EDNRB: variants seen among roughly 807,000 people sequenced by gnomAD.
EDNRB encodes Hirschsprung disease 2.
EDNRB carries 18 observed loss-of-function variants against 46.4 expected under a neutral mutation model. The observed-to-expected ratio is 0.39, with a 90% CI of 0.27 to 0.57. The LOEUF (loss-of-function observed/expected upper bound fraction) is 0.57. EDNRB is among the 20% of genes least tolerant of loss of function. EDNRB has a pLI of 0.61. For missense variants in EDNRB, 434 were observed against 537.5 expected (o/e 0.81, Z 1.90); for synonymous variants, 213 against 204.9 (o/e 1.04, Z -0.34).
At chr13:77,930,517 T>A (rs1272656361) in intron 1 of EDNRB, among the ~76,000 whole-genome samples, 1 of 152,200 alleles carries the variant, frequency 6.6e-6, no homozygotes, top group African/African-American at 2.4e-5. Flanking sequence ...AAAATTAGCA[T>A]GTCTGATTTC....
In EDNRB at chr13:77,899,895, C is replaced by T; in HGVS notation, c.1158G>A (p.Leu386=). 6.2e-7 allele frequency: 1 copy of T among 1,611,938 alleles called. No homozygotes were observed. Among genetic ancestry groups the T allele is most frequent in the Non-Finnish European group, 8.5e-7 (1 of 1,178,742 alleles). Residue 386 remains leucine (L), a synonymous_variant, in exon 6 of 7, where the codon CTG becomes CTA. Coordinates refer to ENST00000646607, the MANE Select transcript of EDNRB (RefSeq NM_001122659.3). The stretch of plus-strand genomic sequence containing the variant: ...TTTTGAATCTTTTGCTCACCAAATA[C>T]AGAGCAATTGGGTTAATGCAGGAAT... ...SLNSCINPIA[L]YLVSKRFKNC...
intron 1 of EDNRB, among the ~76,000 whole-genome samples, chr13:77,925,743 C>A (rs1314745798): frequency 1.3e-5 from 2 of 152,232 alleles, no homozygotes; most frequent in Admixed American, 1.3e-4. Context: ...AGAGTCCCTA[C>A]TGGGGCACCG....
chr13:77,940,700 G>GGTGT (rs6145134), intron 1 of EDNRB, among the ~76,000 whole-genome samples: 228 of 149,188 alleles, frequency 1.5e-3, no homozygotes, highest in African/African-American at 4.8e-3. Flanking sequence ...AGATGAATTG[G>GGTGT]GTGTGTGTGT....
At chr13:77,950,250 T>C (rs1180551830) in intron 1 of EDNRB, among the ~76,000 whole-genome samples, 1 of 152,194 alleles carries the variant, frequency 6.6e-6, no homozygotes, top group African/African-American at 2.4e-5. Flanking sequence ...AAAGGGAACA[T>C]GTACTCTCAC....
chr13:77,902,496 C>T (rs1234179650), intron 3 of EDNRB, among the ~76,000 whole-genome samples: 2 of 151,856 alleles, frequency 1.3e-5, no homozygotes, highest in Admixed American at 6.6e-5. Flanking sequence ...CTTAGTCATC[C>T]TTAGTCACCT....
chr13:77,907,061 T>C (rs1369169225), intron 1 of EDNRB, among the ~76,000 whole-genome samples: 1 of 151,964 alleles, frequency 6.6e-6, no homozygotes, highest in African/African-American at 2.4e-5. Context: ...CAAATAATAG[T>C]AAAATATCTA....
intron 1 of EDNRB, among the ~76,000 whole-genome samples, chr13:77,910,715 C>T (rs1879524219): frequency 6.6e-6 from 1 of 151,940 alleles, no homozygotes. Context: ...GGGGTGCCAT[C>T]TCAATAGATT....
chr13:77,909,823 T>C (rs1277316229), intron 1 of EDNRB, among the ~76,000 whole-genome samples: 1 of 152,038 alleles, frequency 6.6e-6, no homozygotes, highest in African/African-American at 2.4e-5. Flanking sequence ...ACATATATTC[T>C]TTAGATAATT....
At chr13:77,915,431 G>A (rs1349456875) in intron 1 of EDNRB, among the ~76,000 whole-genome samples, 1 of 152,204 alleles carries the variant, frequency 6.6e-6, no homozygotes, top group East Asian at 1.9e-4. Context: ...GGTTGGAGAT[G>A]ACCATGCAGT....
chr13:77,962,910 C>A (rs1406513997), intron 1 of EDNRB, among the ~76,000 whole-genome samples: 2 of 152,180 alleles, frequency 1.3e-5, no homozygotes, highest in Non-Finnish European at 2.9e-5. Context: ...AGCTGATAAA[C>A]AACTTCAGCA....
intron 1 of EDNRB, among the ~76,000 whole-genome samples, chr13:77,910,771 G>C (rs1879527552): frequency 6.6e-6 from 1 of 151,910 alleles, no homozygotes; most frequent in Non-Finnish European, 1.5e-5. Context: ...CAGCGGTTCT[G>C]TCCATGGGAA....
chr13:77,907,187 T>C (rs533244975), intron 1 of EDNRB, among the ~76,000 whole-genome samples: 192 of 152,136 alleles, frequency 1.3e-3, no homozygotes, highest in African/African-American at 4.1e-3. Context: ...TCTGTGAGGA[T>C]GTGTCTGGAA....
intron 1 of EDNRB, among the ~76,000 whole-genome samples, chr13:77,942,245 G>A (rs776556017): frequency 6.6e-6 from 1 of 152,096 alleles, no homozygotes; most frequent in Non-Finnish European, 1.5e-5. Context: ...ATATTATGAA[G>A]AGGAAAAAAC....
At chr13:77,914,267 TGG>T in intron 1 of EDNRB, among the ~76,000 whole-genome samples, 1 of 152,190 alleles carries the variant, frequency 6.6e-6, no homozygotes, top group African/African-American at 2.4e-5. Flanking sequence ...CGACAAAAGC[TGG>T]AAAACAAAGA....
At chr13:77,964,124 G>A (rs948813832) in intron 1 of EDNRB, among the ~76,000 whole-genome samples, 3 of 152,198 alleles carry the variant, frequency 2.0e-5, no homozygotes, top group Non-Finnish European at 4.4e-5. Flanking sequence ...GGAAACAACA[G>A]GTGCTGGAGA....
intron 6 of EDNRB, 87 bp downstream of exon 6, chr13:77,899,772 T>A: frequency 3.1e-6 from 3 of 972,614 alleles, no homozygotes; most frequent in South Asian, 2.8e-5. Context: ...ATTTACTAAA[T>A]CTGTCTGGAT....
At chr13:77,947,284 T>C (rs1407085913) in intron 1 of EDNRB, among the ~76,000 whole-genome samples, 4 of 151,340 alleles carry the variant, frequency 2.6e-5, no homozygotes, top group African/African-American at 9.7e-5. Context: ...GATGACCACC[T>C]CAACATCTGT....
intron 1 of EDNRB, among the ~76,000 whole-genome samples, chr13:77,910,633 CT>C (rs1879520462): frequency 6.6e-6 from 1 of 152,002 alleles, no homozygotes; most frequent in Non-Finnish European, 1.5e-5. Context: ...TCAGAATGCC[CT>C]TAATCACTTA....
intron 3 of EDNRB, 130 bp downstream of exon 3, chr13:77,903,026 A>T (rs1214320762): frequency 8.1e-6 from 8 of 983,848 alleles, no homozygotes; most frequent in Admixed American, 2.0e-5. Context: ...CAGTCCTTGG[A>T]TCTATACTCT....
Sources: gnomAD v4.1 joint callset for allele counts (sites outside exome capture counted in the v4.1 genomes callset) on GRCh38, gnomAD v4.1.1 for gene constraint, MANE v1.5 for transcripts, NCBI Gene and HGNC (gene_info 2026-07-23, HGNC 2026-07-21) for gene names.